The following WWTR1 variants were observed in gnomAD, a reference collection of about 807,000 sequenced individuals.
WWTR1 encodes the protein WW domain containing transcription regulator 1.
In WWTR1, 13 loss-of-function variants were observed where a neutral mutation model predicts 40.1. The ratio of observed to expected loss-of-function variants is 0.32; its 90% confidence interval spans 0.21 to 0.52. The LOEUF is 0.52. Among genes scored for constraint, WWTR1 ranks in the 20% least tolerant of loss-of-function variants. The pLI is 0.97. For missense variants in WWTR1, 436 were observed against 523.1 expected, an observed-to-expected ratio of 0.83 and a Z score of 1.63; for synonymous variants, 230 against 210.1, an observed-to-expected ratio of 1.09 and a Z score of -0.82.
chr3:149,631,978 C>T (rs147261994), intron 2 of WWTR1, among the ~76,000 whole-genome samples: 120 of 152,204 alleles, frequency 7.9e-4, no homozygotes, highest in African/African-American at 2.7e-3. Context: ...TGGAGTACAG[C>T]GGCTCACTGC....
chr3:149,707,070 T>C (rs1715352425), upstream of WWTR1, among the ~76,000 whole-genome samples: 1 of 152,196 alleles, frequency 6.6e-6, no homozygotes, highest in African/African-American at 2.4e-5. Flanking sequence ...TCCAGATGTT[T>C]CCTGACATCA....
chr3:149,547,637 C>T (rs1736427404), intron 3 of WWTR1, among the ~76,000 whole-genome samples: 1 of 152,180 alleles, frequency 6.6e-6, no homozygotes, highest in South Asian at 2.1e-4. Context: ...ACCTCGTCAG[C>T]TCTAGACCGT....
chr3:149,590,261 G>A (rs575441527), intron 2 of WWTR1, among the ~76,000 whole-genome samples: 1 of 152,060 alleles, frequency 6.6e-6, no homozygotes, highest in African/African-American at 2.4e-5. Flanking sequence ...GTTAATGTCT[G>A]ATAATAATAG....
At chr3:149,713,371 T>A (rs11919552) in intron 5 of WWTR1, among the ~76,000 whole-genome samples, 57,934 of 151,760 alleles carry the variant, frequency 0.38, 11,576 homozygotes, top group African/African-American at 0.49. Context: ...TTTATTAATT[T>A]ATTTATTTTT....
intron 3 of WWTR1, among the ~76,000 whole-genome samples, chr3:149,543,580 CAAAAAAAAAA>C (rs755442408): frequency 3.2e-5 from 1 of 31,228 alleles, no homozygotes; most frequent in South Asian, 2.2e-3. Context: ...GACTCTGTCT[CAAAAAAAAAA>C]AAAAAAAAAA....
chr3:149,695,159 G>T (rs1246676645), intron 1 of WWTR1, among the ~76,000 whole-genome samples: 1 of 152,046 alleles, frequency 6.6e-6, no homozygotes, highest in Non-Finnish European at 1.5e-5. Context: ...CCAGAGGCTG[G>T]GAAAGATAGT....
At chr3:149,695,257 G>T (rs1276666330) in intron 1 of WWTR1, among the ~76,000 whole-genome samples, 1 of 151,918 alleles carries the variant, frequency 6.6e-6, no homozygotes, top group Admixed American at 6.6e-5. Context: ...AGCACAACAG[G>T]GTGACTACAG....
chr3:149,547,832 T>C (rs992713673), intron 3 of WWTR1, among the ~76,000 whole-genome samples: 4 of 151,786 alleles, frequency 2.6e-5, no homozygotes, highest in African/African-American at 4.8e-5. Context: ...TTTTCTTTTT[T>C]TTTTTTTTAA....
At chr3:149,638,351 T>A (rs1438116531) in intron 2 of WWTR1, among the ~76,000 whole-genome samples, 2 of 152,018 alleles carry the variant, frequency 1.3e-5, no homozygotes, top group Non-Finnish European at 2.9e-5. Flanking sequence ...CCAAAAAAAA[T>A]CACTGCTGTA....
chr3:149,530,616 TAAATATATAAATA>T (rs955293409), intron 4 of WWTR1, among the ~76,000 whole-genome samples: 19 of 151,716 alleles, frequency 1.3e-4, no homozygotes, highest in African/African-American at 3.9e-4. Context: ...TGTGTGTGTC[TAAATATATAAATA>T]AAATATATAA....
chr3:149,590,483 C>T (rs1372465482), intron 2 of WWTR1, among the ~76,000 whole-genome samples: 1 of 152,098 alleles, frequency 6.6e-6, no homozygotes, highest in Non-Finnish European at 1.5e-5. Context: ...AACCCCATCT[C>T]TACTAAAAAT....
intron 2 of WWTR1, among the ~76,000 whole-genome samples, chr3:149,603,765 C>T (rs1222621067): frequency 7.0e-6 from 1 of 143,730 alleles, no homozygotes; most frequent in Non-Finnish European, 1.5e-5. Context: ...CGCAGAAAAT[C>T]AACTGACATT....
chr3:149,521,792 G>A (rs1735056082), intron 6 of WWTR1, among the ~76,000 whole-genome samples: 2 of 152,138 alleles, frequency 1.3e-5, no homozygotes. Context: ...ATGCACTACT[G>A]ACTTTGGTGT....
intron 2 of WWTR1, among the ~76,000 whole-genome samples, chr3:149,620,308 A>G (rs1469291864): frequency 5.9e-5 from 9 of 152,170 alleles, no homozygotes; most frequent in African/African-American, 2.2e-4. Flanking sequence ...TGGACACCCC[A>G]ACCTCCATGA....
chr3:149,713,744 A>C (rs1379481955), intron 5 of WWTR1, among the ~76,000 whole-genome samples: 1 of 152,222 alleles, frequency 6.6e-6, no homozygotes, highest in African/African-American at 2.4e-5. Context: ...GATCACAGTG[A>C]TAGCAGCAGC....
chr3:149,700,060 T>C (rs2164341), intron 1 of WWTR1, among the ~76,000 whole-genome samples: 28,388 of 152,046 alleles, frequency 0.19, 3,576 homozygotes, highest in African/African-American at 0.36. Flanking sequence ...CCAACATCTA[T>C]TCAGCTTCTG....
At chr3:149,538,330 A>G (rs1735926963) in intron 4 of WWTR1, among the ~76,000 whole-genome samples, 1 of 151,954 alleles carries the variant, frequency 6.6e-6, no homozygotes, top group Admixed American at 6.6e-5. Context: ...TTTTTTCTAG[A>G]GTTGCCATTT....
At chr3:149,666,775 A>G (rs1291928916) in intron 2 of WWTR1, among the ~76,000 whole-genome samples, 4 of 152,238 alleles carry the variant, frequency 2.6e-5, no homozygotes, top group Non-Finnish European at 4.4e-5. Flanking sequence ...CAACCCCTCC[A>G]GTATCTCTCC....
At chr3:149,702,587 C>T (rs1459825913) in intron 1 of WWTR1, 1 of 151,572 alleles carries the variant, frequency 6.6e-6, no homozygotes, top group Non-Finnish European at 1.5e-5. Flanking sequence ...AAATAGTAAG[C>T]ACTAAGAAAT....
Sources: allele counts gnomAD v4.1 joint callset (sites outside exome capture counted in the v4.1 genomes callset), GRCh38; gene constraint gnomAD v4.1.1; transcripts MANE v1.5; gene names NCBI Gene and HGNC (gene_info 2026-07-23, HGNC 2026-07-21).